Variants in ADCY9 observed in about 807,000 individuals in gnomAD.
ADCY9 encodes adenylate cyclase type 9.
Under a neutral mutation model 101.5 loss-of-function variants are expected in ADCY9, and 50 were observed. The ratio of observed to expected loss-of-function variants is 0.49; its 90% CI spans 0.39 to 0.62. ADCY9 has a LOEUF of 0.62. Ranked by LOEUF, ADCY9 falls within the 20% of genes least tolerant of loss-of-function variation. The probability of loss-of-function intolerance (pLI) is 0.00; values close to 1 mark genes in which losing one functional copy is unlikely to be tolerated. For missense variants in ADCY9, 1,662 were observed against 1,800.4 expected (o/e 0.92, Z 1.39); for synonymous variants, 905 against 769.3 (o/e 1.18, Z -2.92).
In ADCY9 at chr16:3,974,683, T is replaced by A; in HGVS notation, c.2856A>T (p.Ala952=). The change falls in exon 10 of 11, where the codon GCA becomes GCT. Residue 952 remains alanine, a synonymous_variant. Coordinates refer to ENST00000294016, the MANE Select transcript of ADCY9 (RefSeq NM_001116.4). The stretch of plus-strand genomic sequence containing the variant: ...TAAAAGCTTACCTGAAATTCTGTAC[T>A]GCGTCAAGGGGCGAAGTTAATACAG... ...DSSVLTSPLD[A]VQNFSSERNP... is the part of the protein sequence containing the mutation. 1.9e-6 allele frequency: 3 copies of A among 1,613,106 alleles called. No homozygotes were observed. Among genetic ancestry groups the A allele is most frequent in the Non-Finnish European group, 2.5e-6 (3 of 1,179,214 alleles).
intron 2 of ADCY9, among the ~76,000 whole-genome samples, chr16:4,082,063 G>C (rs181687810): frequency 1.3e-5 from 2 of 152,176 alleles, no homozygotes; most frequent in East Asian, 3.9e-4. Flanking sequence ...AGAACAAGCA[G>C]CTACATTTTC....
chr16:4,002,169 A>G (rs1167696188), intron 3 of ADCY9, among the ~76,000 whole-genome samples: 1 of 152,236 alleles, frequency 6.6e-6, no homozygotes, highest in Non-Finnish European at 1.5e-5. Flanking sequence ...TGCAAGCATC[A>G]CCACTATCAA....
At chr16:4,049,740 T>C (rs2056688647) in intron 2 of ADCY9, among the ~76,000 whole-genome samples, 1 of 152,170 alleles carries the variant, frequency 6.6e-6, no homozygotes, top group Non-Finnish European at 1.5e-5. Context: ...TCTTTCAGAT[T>C]AACCCAGAAA....
chr16:4,098,436 G>A (rs2057022318), intron 2 of ADCY9, among the ~76,000 whole-genome samples: 1 of 151,982 alleles, frequency 6.6e-6, no homozygotes, highest in Non-Finnish European at 1.5e-5. Context: ...GTTTCACCAT[G>A]TTGGCCAGGT....
At chr16:4,056,974 G>A (rs2056742489) in intron 2 of ADCY9, among the ~76,000 whole-genome samples, 1 of 150,592 alleles carries the variant, frequency 6.6e-6, no homozygotes, top group South Asian at 2.1e-4. Flanking sequence ...ATGACACATG[G>A]CGAGTCCTAG....
At chr16:3,976,535 C>G (rs573487019) in intron 9 of ADCY9, among the ~76,000 whole-genome samples, 1 of 152,176 alleles carries the variant, frequency 6.6e-6, no homozygotes, top group African/African-American at 2.4e-5. Context: ...ACCAGTGATA[C>G]GGTTCTGAAG....
intron 2 of ADCY9, among the ~76,000 whole-genome samples, chr16:4,027,401 G>T (rs953398842): frequency 2.6e-5 from 4 of 152,198 alleles, no homozygotes; most frequent in African/African-American, 9.7e-5. Context: ...TTTTCACACT[G>T]TTCATAAAGA....
chr16:4,000,295 C>T (rs2056320580), intron 3 of ADCY9, among the ~76,000 whole-genome samples: 1 of 152,176 alleles, frequency 6.6e-6, no homozygotes, highest in Non-Finnish European at 1.5e-5. Flanking sequence ...AGCACTGGCC[C>T]AGAGCCACAC....
intron 3 of ADCY9, among the ~76,000 whole-genome samples, chr16:3,995,071 G>C (rs753258815): frequency 1.2e-4 from 19 of 152,298 alleles, no homozygotes; most frequent in Non-Finnish European, 1.9e-4. Context: ...CTAGTTTGGA[G>C]ACTCTGTTCA....
rs1052520543 is a variant in ADCY9 at position 3,965,553 on chromosome 16, T to C, written c.*222A>G. ...TGTTCTCCACCACGTGCTGAACGGATGACCCAGAGGCAGCGGGGTTTCCAG... is the reference window on the plus strand; with the variant it reads ...TGTTCTCCACCACGTGCTGAACGGACGACCCAGAGGCAGCGGGGTTTCCAG... On this transcript the variant is annotated 3_prime_UTR_variant, in exon 11 of 11. Coordinates refer to ENST00000294016, the MANE Select transcript of ADCY9 (RefSeq NM_001116.4). 3 of 589,290 alleles carry C rather than the reference T, an allele frequency of 5.1e-6. No individual in the cohort carries two copies. Among genetic ancestry groups the C allele is most frequent in the East Asian group, 2.8e-5 (1 of 35,178 alleles). The allele number at this position is 589,290 out of a possible 1,614,324, so 36.5% of individuals were successfully genotyped here. A position where few individuals can be genotyped will look rare whatever the true frequency, so the allele number is the denominator to read the frequency against.
At chr16:4,060,852 A>T (rs1303352307) in intron 2 of ADCY9, among the ~76,000 whole-genome samples, 3 of 152,340 alleles carry the variant, frequency 2.0e-5, no homozygotes, top group African/African-American at 7.2e-5. Context: ...AATTATACTC[A>T]GGCAAGAGTC....
intron 3 of ADCY9, 61 bp from the exon 4 acceptor site, chr16:3,993,571 C>T (rs2056264441): frequency 1.3e-6 from 2 of 1,594,052 alleles, no homozygotes; most frequent in Non-Finnish European, 1.7e-6. Flanking sequence ...ACCCTGAATT[C>T]AGGCAGGTCC....
Position 4,114,811 on chromosome 16 carries a change from G to A in ADCY9, c.632C>T (p.Ala211Val), listed in dbSNP as rs2057137679. ...AGATAAGCAAGTATCTGTGGGCCGG[G>A]CTGTGGCCGTAAGGTTGGAGCTGTC... ...RGDSSNLTAT[A>V]RPTDTCLSQV... The change falls in exon 2 of 11, where the codon GCC (alanine) becomes GTC (valine). Residue 211 changes from alanine (A) to valine (V), a missense_variant. Physicochemically the swap from Ala to Val is moderately conservative, Grantham distance 64 (BLOSUM62 0). Around this residue, in one of 5 missense-constraint regions of ADCY9, gnomAD observed 422 missense variants for 392.0 expected, o/e 1.08. Transcript: ENST00000294016. The surrounding 1 kb of genome is among the most constrained non-coding windows in gnomAD (Gnocchi z 4.3). 1.2e-6 allele frequency: 2 copies of A among 1,613,262 alleles called. No homozygotes were observed. Among genetic ancestry groups the A allele is most frequent in the African/African-American group, 2.7e-5 (2 of 74,952 alleles).
At chr16:4,073,398 CTTT>C (rs35147648) in intron 2 of ADCY9, among the ~76,000 whole-genome samples, 2 of 141,734 alleles carry the variant, frequency 1.4e-5, no homozygotes, top group East Asian at 4.1e-4. Flanking sequence ...TCTTTAAAAA[CTTT>C]TTTTTTTTTT....
intron 6 of ADCY9, among the ~76,000 whole-genome samples, chr16:3,986,864 G>C (rs1467689676): frequency 6.6e-6 from 1 of 152,232 alleles, no homozygotes; most frequent in African/African-American, 2.4e-5. Context: ...CTGAGTAATT[G>C]GGATTACAGG....
chr16:3,979,943 T>A (rs1052926387), intron 7 of ADCY9, among the ~76,000 whole-genome samples: 1 of 145,284 alleles, frequency 6.9e-6, no homozygotes, highest in African/African-American at 2.5e-5. Context: ...GCGCAGCTCC[T>A]GTGGAAACTG....
At chr16:4,015,384 G>A (rs188106683) in intron 2 of ADCY9, among the ~76,000 whole-genome samples, 2 of 152,038 alleles carry the variant, frequency 1.3e-5, no homozygotes, top group East Asian at 3.9e-4. Flanking sequence ...CTTGAATTAG[G>A]GTTTACTAGC....
intron 2 of ADCY9, among the ~76,000 whole-genome samples, chr16:4,007,945 C>G (rs747087401): frequency 3.3e-5 from 5 of 152,200 alleles, no homozygotes; most frequent in Non-Finnish European, 7.3e-5. Context: ...GAATACCAGT[C>G]CAGTGAGTAC....
In ADCY9 at chr16:4,058,019, C is replaced by T. The variant is rs1366953835; in HGVS notation, c.1694-50461G>A. On this transcript the variant is annotated intron_variant, in intron 2 of 10. Coordinates refer to ENST00000294016, the MANE Select transcript of ADCY9 (RefSeq NM_001116.4). ...ACTAAAAATACAAAAATTAGCCAGG[C>T]GTGGTGGTGGGCACCTGTAATCCCA... is the stretch of plus-strand genomic sequence containing the variant. Among the ~76,000 whole-genome samples the T allele has an allele frequency of 5.9e-5, 9 of 151,914 alleles. No individual in the cohort carries two copies. In the South Asian group the frequency reaches 1.2e-3, roughly 21 times the overall value.
Sources: allele counts gnomAD v4.1 joint callset (sites outside exome capture counted in the v4.1 genomes callset), GRCh38; gene constraint gnomAD v4.1.1; regional missense constraint gnomAD v4.1.1; non-coding constraint Gnocchi (gnomAD v3.1); transcripts MANE v1.5; gene names NCBI Gene and HGNC (gene_info 2026-07-23, HGNC 2026-07-21).